The following HADHB variants were observed in gnomAD, a reference collection of about 807,000 sequenced individuals.
The protein encoded by HADHB is trifunctional enzyme subunit beta, mitochondrial.
Under a neutral mutation model 61.9 loss-of-function variants are expected in HADHB, and 50 were observed. That is an observed-to-expected ratio of 0.81 (90% CI 0.64 to 1.02). HADHB has a LOEUF of 1.02. Among genes scored for constraint, HADHB ranks in the 50% least tolerant of loss-of-function variants. The pLI is 0.00. For synonymous variants in HADHB, 191 were observed against 201.6 expected, an observed-to-expected ratio of 0.95 and a Z score of 0.45; for missense variants, 504 against 586.5, an observed-to-expected ratio of 0.86 and a Z score of 1.45.
At chr2:26,261,370 ACTTTC>A in intron 3 of HADHB, 13 of 250,736 alleles carry the variant, frequency 5.2e-5, no homozygotes, top group East Asian at 7.0e-5. Context: ...ATATTTCATG[ACTTTC>A]TAATCTACAC....
At chr2:26,280,530 G>A (rs1259364900) in intron 10 of HADHB, among the ~76,000 whole-genome samples, 1 of 152,150 alleles carries the variant, frequency 6.6e-6, no homozygotes, top group African/African-American at 2.4e-5. Context: ...CTTGAAGGAA[G>A]AGTAAAAGCC....
intron 3 of HADHB, among the ~76,000 whole-genome samples, chr2:26,258,493 A>C (rs539449192): frequency 6.6e-6 from 1 of 152,352 alleles, no homozygotes; most frequent in African/African-American, 2.4e-5. Flanking sequence ...CCAAACAGGA[A>C]TGGCACTGGG....
intron 4 of HADHB, among the ~76,000 whole-genome samples, chr2:26,264,553 C>CAAAAAA (rs34189488): frequency 8.1e-5 from 6 of 73,714 alleles, no homozygotes; most frequent in Admixed American, 1.9e-4. Context: ...GACTCCATCT[C>CAAAAAA]AAAAAAAAAA....
At chr2:26,259,682 T>C (rs1030926437) in intron 3 of HADHB, among the ~76,000 whole-genome samples, 5 of 152,230 alleles carry the variant, frequency 3.3e-5, no homozygotes, top group Non-Finnish European at 7.3e-5. Context: ...AAATGTGCCT[T>C]GTAGAGTTAG....
At chr2:26,280,234 C>G in intron 10 of HADHB, 119 bp downstream of exon 10, 1 of 840,316 alleles carries the variant, frequency 1.2e-6, no homozygotes. Context: ...TATAGTTATT[C>G]ATTTTAATGT....
At chr2:26,287,606 T>C (rs1265515530) in intron 15 of HADHB, among the ~76,000 whole-genome samples, 1 of 152,216 alleles carries the variant, frequency 6.6e-6, no homozygotes, top group African/African-American at 2.4e-5. Context: ...TAGAAGTTTA[T>C]AGTATGAAGA....
chr2:26,278,925 C>T, intron 8 of HADHB, 124 bp downstream of exon 8: 2 of 1,005,966 alleles, frequency 2.0e-6, no homozygotes, highest in Admixed American at 1.8e-5. Context: ...ATTACTTGCT[C>T]AAGATGGAAA....
chr2:26,278,565 T>C (rs755305131), intron 7 of HADHB, 49 bp from the exon 8 acceptor site: 1 of 1,431,348 alleles, frequency 7.0e-7, no homozygotes, highest in Non-Finnish European at 9.9e-7. Flanking sequence ...TGGAATGGTA[T>C]GTTATTTTCT....
Position 26,289,647 on chromosome 2 carries a change from ATG to A in HADHB, c.1390-263_1390-262del, listed in dbSNP as rs558004508. On this transcript the variant is annotated intron_variant, in intron 15 of 15. Coordinates refer to ENST00000317799, the MANE Select transcript of HADHB (RefSeq NM_000183.3). ...TATATATGAATGTATATAAATATAT[ATG>A]TGTGTGTATATATATACACACATAT... 4.1e-3 allele frequency among the ~76,000 whole-genome samples: 617 copies of A among 152,304 alleles called. 1 individual carries two copies. The highest frequency in any genetic ancestry group is 6.4e-3 in the Non-Finnish European group (438 of 68,036).
chr2:26,245,263 G>GT (rs1671086565), intron 1 of HADHB: 10 of 168,050 alleles, frequency 6.0e-5, no homozygotes, highest in African/African-American at 2.2e-4. Context: ...GGGGTGTGGG[G>GT]GTGTGTGTGT....
intron 13 of HADHB, 85 bp downstream of exon 13, chr2:26,284,289 T>G: frequency 1.2e-6 from 1 of 823,770 alleles, no homozygotes; most frequent in Non-Finnish European, 2.2e-6. Context: ...AGGCATGGTT[T>G]ATGATGTGAG....
chr2:26,289,609 A>C (rs899875850), intron 15 of HADHB, among the ~76,000 whole-genome samples: 1 of 152,216 alleles, frequency 6.6e-6, no homozygotes, highest in Non-Finnish European at 1.5e-5. Context: ...CCTGATGCAT[A>C]TATGTATACA....
chr2:26,279,294 G>A lies in HADHB; in HGVS notation c.790G>A (p.Val264Met), dbSNP rs2147825673. The change falls in exon 9 of 16, where the codon GTG becomes ATG. Residue 264 changes from valine (V) to methionine (M), a missense_variant. Coordinates refer to ENST00000317799, the MANE Select transcript of HADHB (RefSeq NM_000183.3). ...KAQDEGLLSDVVPFKVPGKDT... is the reference protein window; with the variant it reads ...KAQDEGLLSDMVPFKVPGKDT... ...ACAGGATGAAGGACTCCTTTCTGAT[G>A]TGGTACCCTTCAAAGTACCAGGTGA... 3.1e-6 allele frequency: 5 copies of A among 1,611,924 alleles called. No individual in the cohort carries two copies. The East Asian group carries it at 8.9e-5, about 29-fold the overall frequency.
At chr2:26,285,365 T>C in intron 14 of HADHB, 42 bp from the exon 15 acceptor site, 1 of 1,574,150 alleles carries the variant, frequency 6.4e-7, no homozygotes, top group Non-Finnish European at 8.7e-7. Flanking sequence ...ATTCTGATCT[T>C]AAGTAAACTT....
intron 6 of HADHB, among the ~76,000 whole-genome samples, chr2:26,274,224 T>A (rs781038160): frequency 3.9e-5 from 6 of 152,244 alleles, no homozygotes; most frequent in Non-Finnish European, 7.3e-5. Context: ...AAAAACTATT[T>A]CACAGGAGTT....
In HADHB at chr2:26,267,943, C is replaced by T. The variant is rs867732723; in HGVS notation, c.210-2010C>T. 3.9e-5 allele frequency among the ~76,000 whole-genome samples: 6 copies of T among 151,962 alleles called. 1 individual carries two copies. In the South Asian group the frequency reaches 6.2e-4, roughly 16 times the overall value. On this transcript the variant is annotated intron_variant, in intron 4 of 15. Transcript: ENST00000317799. ...TTGCTTGAGGCCAGGAGTTCGAGAC[C>T]GGCATGGACAAAGTGAGACTCCATC...
chr2:26,289,518 T>TA (rs1182670995), intron 15 of HADHB, among the ~76,000 whole-genome samples: 2 of 152,152 alleles, frequency 1.3e-5, no homozygotes, highest in Admixed American at 6.5e-5. Flanking sequence ...TTTATACAGT[T>TA]AAAAAAGCCC....
chr2:26,252,862 A>T (rs1258694880), intron 1 of HADHB, among the ~76,000 whole-genome samples: 4 of 152,218 alleles, frequency 2.6e-5, no homozygotes, highest in Non-Finnish European at 4.4e-5. Context: ...AGTTTCAGTT[A>T]TAGTTTTCAT....
intron 4 of HADHB, among the ~76,000 whole-genome samples, chr2:26,264,116 T>G (rs1317624153): frequency 6.6e-6 from 1 of 152,202 alleles, no homozygotes; most frequent in Non-Finnish European, 1.5e-5. Context: ...TAGATTGTTT[T>G]AATGTTTATA....
Sources: gnomAD v4.1 joint callset for allele counts (sites outside exome capture counted in the v4.1 genomes callset) on GRCh38, gnomAD v4.1.1 for gene constraint, MANE v1.5 for transcripts, NCBI Gene and HGNC (gene_info 2026-07-23, HGNC 2026-07-21) for gene names.